DDX50: variants seen among roughly 807,000 people sequenced by gnomAD.
The protein encoded by DDX50 is ATP-dependent RNA helicase DDX50.
Under a neutral mutation model 94.8 loss-of-function variants are expected in DDX50, and 56 were observed. That is an observed-to-expected ratio of 0.59 (90% confidence interval 0.48 to 0.74). The LOEUF (loss-of-function observed/expected upper bound fraction) is 0.74. DDX50 is among the 30% of genes least tolerant of loss of function. The pLI is 0.00. For synonymous variants in DDX50, 264 were observed against 295.4 expected (o/e 0.89, Z 1.09); for missense variants, 713 against 881.2 (o/e 0.81, Z 2.42).
intron 8 of DDX50, among the ~76,000 whole-genome samples, chr10:68,931,382 T>TAA (rs530913846): frequency 0.019 from 1,927 of 100,210 alleles, 37 homozygotes; most frequent in Non-Finnish European, 0.022. Flanking sequence ...GACGGATCAT[T>TAA]AAAAAAAAAA....
At chr10:68,908,240 C>T (rs1047372228) in intron 2 of DDX50, among the ~76,000 whole-genome samples, 2 of 151,764 alleles carry the variant, frequency 1.3e-5, no homozygotes, top group Non-Finnish European at 2.9e-5. Flanking sequence ...CACCTGAGAT[C>T]AGGAGTTCCA....
At chr10:68,945,217 A>G (rs1233758269) in intron 14 of DDX50, among the ~76,000 whole-genome samples, 1 of 151,952 alleles carries the variant, frequency 6.6e-6, no homozygotes, top group Non-Finnish European at 1.5e-5. Context: ...ATATTGCCAA[A>G]CCCACCAGTG....
In DDX50 at chr10:68,913,205, C is replaced by T; in HGVS notation, c.683C>T (p.Ala228Val). The T allele has an allele frequency of 6.2e-7, 1 of 1,612,992 alleles. No individual in the cohort carries two copies. Among genetic ancestry groups the T allele is most frequent in the Non-Finnish European group, 8.5e-7 (1 of 1,179,770 alleles). Residue 228 changes from alanine to valine, a missense_variant, in exon 5 of 15, where the codon GCC becomes GTC. Physicochemically the swap from Ala to Val is moderately conservative, Grantham distance 64. Coordinates refer to ENST00000373585, the MANE Select transcript of DDX50 (RefSeq NM_024045.2). ...APTRELANQV[A>V]KDFKDITRKL... ...ACAAGGGAACTGGCAAACCAAGTAG[C>T]CAAAGACTTCAAAGATATAACTAGG...
At chr10:68,946,304 A>G (rs375625344) in intron 14 of DDX50, 48 bp from the exon 15 acceptor site, 2 of 1,544,244 alleles carry the variant, frequency 1.3e-6, no homozygotes, top group Non-Finnish European at 1.7e-6. Flanking sequence ...ATGTTTGCTT[A>G]TGGTTTCTAT....
chr10:68,915,766 A>G (rs1022042305), intron 7 of DDX50, among the ~76,000 whole-genome samples: 1 of 152,070 alleles, frequency 6.6e-6, no homozygotes, highest in Non-Finnish European at 1.5e-5. Flanking sequence ...CGTATTTATG[A>G]CAGGCAACTA....
intron 7 of DDX50, among the ~76,000 whole-genome samples, chr10:68,919,196 A>G (rs1001167164): frequency 6.6e-5 from 10 of 152,230 alleles, no homozygotes; most frequent in Admixed American, 6.5e-4. Flanking sequence ...GAAGCAACGC[A>G]TGACTGTAAA....
chr10:68,939,941 G>C (rs1842517362), intron 12 of DDX50, among the ~76,000 whole-genome samples: 1 of 141,328 alleles, frequency 7.1e-6, no homozygotes, highest in African/African-American at 2.6e-5. Flanking sequence ...TGAATCTCTA[G>C]CACCTAGTAC....
chr10:68,945,421 G>A (rs965503369), intron 14 of DDX50, among the ~76,000 whole-genome samples: 3 of 151,738 alleles, frequency 2.0e-5, no homozygotes, highest in Admixed American at 1.3e-4. Flanking sequence ...ATTCTCCTGC[G>A]TCAGCTTCCC....
intron 7 of DDX50, among the ~76,000 whole-genome samples, chr10:68,916,377 A>G (rs1382545828): frequency 6.6e-6 from 1 of 151,382 alleles, no homozygotes; most frequent in Non-Finnish European, 1.5e-5. Context: ...AAAGAATAAG[A>G]AAAAAGAAGC....
intron 4 of DDX50, 69 bp from the exon 5 acceptor site, chr10:68,913,093 G>A: frequency 3.1e-6 from 4 of 1,304,476 alleles, no homozygotes; most frequent in Non-Finnish European, 4.3e-6. Flanking sequence ...CCTAAAAAAA[G>A]TCTTCTTGGT....
chr10:68,932,787 A>T (rs1842305810), intron 8 of DDX50, among the ~76,000 whole-genome samples: 1 of 152,224 alleles, frequency 6.6e-6, no homozygotes, highest in Non-Finnish European at 1.5e-5. Flanking sequence ...ATTTTTGCCT[A>T]TTAAATTCAC....
intron 8 of DDX50, among the ~76,000 whole-genome samples, chr10:68,932,424 T>G (rs1300168795): frequency 6.6e-6 from 1 of 152,098 alleles, no homozygotes; most frequent in African/African-American, 2.4e-5. Context: ...CATACCTGGC[T>G]AATCTTTGTA....
intron 2 of DDX50, among the ~76,000 whole-genome samples, chr10:68,909,111 C>T (rs1156658559): frequency 6.6e-6 from 1 of 152,116 alleles, no homozygotes. Flanking sequence ...CAGGCATGAG[C>T]CACCACGCCT....
intron 7 of DDX50, among the ~76,000 whole-genome samples, chr10:68,915,038 C>A (rs1432483845): frequency 7.2e-5 from 10 of 138,934 alleles, no homozygotes; most frequent in Admixed American, 1.4e-4. Flanking sequence ...AAAAAAAAAA[C>A]CACAGAAGTC....
At chr10:68,939,724 A>G (rs1842511540) in intron 12 of DDX50, among the ~76,000 whole-genome samples, 1 of 152,008 alleles carries the variant, frequency 6.6e-6, no homozygotes, top group African/African-American at 2.4e-5. Context: ...GTCTTTCTTG[A>G]TCACTCTAAA....
At position 68,934,847 on chromosome 10, in the gene DDX50, C is replaced by A; in HGVS notation, c.1450C>A (p.Arg484=). The part of the protein sequence containing the change: ...HRSGRTGRAG[R]TGICICFYQP... Reference sequence around the variant, plus strand: ...CTCTGGACGCACAGGTAGAGCTGGACGGACAGGGATTTGTATATGTTTTTA... The same window carrying A: ...CTCTGGACGCACAGGTAGAGCTGGAAGGACAGGGATTTGTATATGTTTTTA... The change falls in exon 10 of 15, where the codon CGG becomes AGG. Residue 484 remains arginine (R), a synonymous_variant. Transcript: ENST00000373585. The surrounding 1 kb of genome is among the most constrained non-coding windows in gnomAD (Gnocchi z 4.0). 1.9e-6 allele frequency: 3 copies of A among 1,612,844 alleles called. No homozygotes were observed. The highest frequency in any genetic ancestry group is 2.5e-6 in the Non-Finnish European group (3 of 1,179,500).
intron 13 of DDX50, 41 bp from the exon 14 acceptor site, chr10:68,943,172 A>G (rs1260283133): frequency 6.3e-7 from 1 of 1,589,046 alleles, no homozygotes; most frequent in Non-Finnish European, 8.6e-7. Context: ...ATCTACACAT[A>G]TGCATCTAAT....
At chr10:68,920,249 C>A (rs1841905600) in intron 8 of DDX50, among the ~76,000 whole-genome samples, 1 of 152,126 alleles carries the variant, frequency 6.6e-6, no homozygotes, top group South Asian at 2.1e-4. Context: ...GCATTCTTGA[C>A]TTCCTGGGCT....
chr10:68,904,996 ACTG>A (rs1246002147), intron 1 of DDX50, among the ~76,000 whole-genome samples: 2 of 152,334 alleles, frequency 1.3e-5, no homozygotes, highest in African/African-American at 4.8e-5. Flanking sequence ...ATCACTAATT[ACTG>A]CTATCTATTT....
Sources: gnomAD v4.1 joint callset for allele counts (sites outside exome capture counted in the v4.1 genomes callset) on GRCh38, gnomAD v4.1.1 for gene constraint, Gnocchi (gnomAD v3.1) non-coding constraint, MANE v1.5 for transcripts, NCBI Gene and HGNC (gene_info 2026-07-23, HGNC 2026-07-21) for gene names.